PCTP: variants seen among roughly 807,000 people sequenced by gnomAD.
PCTP encodes the protein phosphatidylcholine transfer protein, also known as START domain-containing protein 2.
In PCTP, 27 loss-of-function variants were observed where a neutral mutation model predicts 31.0. The ratio of observed to expected loss-of-function variants is 0.87; its 90% CI spans 0.64 to 1.20. The LOEUF (loss-of-function observed/expected upper bound fraction) is 1.20, where lower values mean the gene tolerates loss of function less well. PCTP is among the 50% of genes most tolerant of loss of function. The pLI is 0.00. For synonymous variants in PCTP, 108 were observed against 101.2 expected, an observed-to-expected ratio of 1.07 and a Z score of -0.40; for missense variants, 287 against 268.2, an observed-to-expected ratio of 1.07 and a Z score of -0.49.
intron 3 of PCTP, among the ~76,000 whole-genome samples, chr17:55,792,537 A>G (rs957953423): frequency 6.6e-6 from 1 of 152,082 alleles, no homozygotes; most frequent in Non-Finnish European, 1.5e-5. Context: ...GTGCGGCCAG[A>G]AAAAAGAACT....
exon 3 of PCTP, chr17:55,787,569 G>A (rs1248115916): frequency 6.6e-6 from 1 of 151,946 alleles, no homozygotes; most frequent in African/African-American, 2.4e-5. Flanking sequence ...TTTCCAGGCT[G>A]GCCTTGAGCT....
intron 3 of PCTP, among the ~76,000 whole-genome samples, chr17:55,814,485 G>A (rs183228004): frequency 2.3e-4 from 35 of 152,358 alleles, no homozygotes; most frequent in African/African-American, 7.7e-4. Flanking sequence ...GGCTGTGCCA[G>A]CAGCTGTGCC....
rs1259764984 is a variant in PCTP at position 55,751,165 on chromosome 17, A to G, written c.62A>G (p.Gln21Arg). The G allele has an allele frequency of 1.3e-6, 2 of 1,548,540 alleles. No individual in the cohort carries two copies. Among genetic ancestry groups the G allele is most frequent in the East Asian group, 2.4e-5 (1 of 40,874 alleles). Residue 21 changes from glutamine (Q) to arginine (R), a missense_variant, in exon 1 of 6, where the codon CAG (glutamine) becomes CGG (arginine). By Grantham distance (43) the Gln-to-Arg change is conservative. Coordinates refer to ENST00000268896, the MANE Select transcript of PCTP (RefSeq NM_021213.4). ...TTCTGGGAGGCCTGCGCCGAGCTCC[A>G]GCAGCCCGCTCTGGCCGGGGCCGAC... ...EQFWEACAELQQPALAGADWQ... is the reference protein window; with the variant it reads ...EQFWEACAELRQPALAGADWQ...
At chr17:55,773,240 A>G (rs947924853) in intron 3 of PCTP, among the ~76,000 whole-genome samples, 1 of 152,214 alleles carries the variant, frequency 6.6e-6, no homozygotes, top group Non-Finnish European at 1.5e-5. Context: ...GCATTGGGTG[A>G]GGCCAGAACA....
chr17:55,766,007 C>A (rs1477019969), intron 1 of PCTP, among the ~76,000 whole-genome samples: 3 of 152,182 alleles, frequency 2.0e-5, no homozygotes, highest in African/African-American at 7.2e-5. Flanking sequence ...TCATAGAGGC[C>A]TTTCCTGATC....
chr17:55,850,997 T>G, the PCTP span, among the ~76,000 whole-genome samples: 1 of 152,184 alleles, frequency 6.6e-6, no homozygotes, highest in Admixed American at 6.5e-5. Context: ...TTAGATAAAT[T>G]ATTTTAAAAG....
intron 3 of PCTP, among the ~76,000 whole-genome samples, chr17:55,790,069 T>C (rs1217122298): frequency 6.6e-6 from 1 of 152,150 alleles, no homozygotes; most frequent in Non-Finnish European, 1.5e-5. Flanking sequence ...ATTATCTCAA[T>C]AGATGCAGAA....
At chr17:55,761,104 G>T (rs1425945060) in intron 1 of PCTP, among the ~76,000 whole-genome samples, 4 of 152,156 alleles carry the variant, frequency 2.6e-5, no homozygotes, top group African/African-American at 7.2e-5. Flanking sequence ...TGTCTGTCCT[G>T]TTACTAGCTG....
intron 5 of PCTP, 94 bp downstream of exon 5, chr17:55,774,953 C>T: frequency 7.4e-7 from 1 of 1,348,834 alleles, no homozygotes; most frequent in Non-Finnish European, 1.1e-6. Flanking sequence ...TGAAGAGACA[C>T]ATTGTCTCAG....
chr17:55,843,992 T>C (rs1906067244), downstream of PCTP, among the ~76,000 whole-genome samples: 1 of 152,150 alleles, frequency 6.6e-6, no homozygotes, highest in Non-Finnish European at 1.5e-5. Flanking sequence ...GGTCAGCAGT[T>C]TACCATGAGA....
chr17:55,851,767 A>G, the PCTP span, among the ~76,000 whole-genome samples: 1 of 152,080 alleles, frequency 6.6e-6, no homozygotes, highest in Non-Finnish European at 1.5e-5. Context: ...ATGAAATGAT[A>G]TAACAAACCC....
At chr17:55,797,785 T>C (rs1912233065) in intron 3 of PCTP, among the ~76,000 whole-genome samples, 1 of 151,974 alleles carries the variant, frequency 6.6e-6, no homozygotes, top group Non-Finnish European at 1.5e-5. Flanking sequence ...GAAAATGTTA[T>C]CCAGAAACTC....
downstream of PCTP, among the ~76,000 whole-genome samples, chr17:55,780,285 G>C (rs1278252272): frequency 6.6e-6 from 1 of 152,040 alleles, no homozygotes; most frequent in Non-Finnish European, 1.5e-5. Context: ...TATAATAATG[G>C]AACAACAATT....
chr17:55,765,170 G>A (rs1910570758), intron 1 of PCTP, among the ~76,000 whole-genome samples: 2 of 152,210 alleles, frequency 1.3e-5, no homozygotes, highest in Admixed American at 1.3e-4. Context: ...AAAAGAAGCA[G>A]TTGTTGAAAA....
At chr17:55,767,122 T>C (rs1391429696) in intron 1 of PCTP, among the ~76,000 whole-genome samples, 1 of 152,200 alleles carries the variant, frequency 6.6e-6, no homozygotes, top group Non-Finnish European at 1.5e-5. Context: ...TGTTTTTTTC[T>C]TGTAAATTTG....
chr17:55,794,127 T>G (rs902933366), intron 3 of PCTP, among the ~76,000 whole-genome samples: 1 of 152,102 alleles, frequency 6.6e-6, no homozygotes, highest in Non-Finnish European at 1.5e-5. Flanking sequence ...ACCTCCTTTT[T>G]TGCATCATAA....
At position 55,776,688 on chromosome 17, in the gene PCTP, G is replaced by C; in HGVS notation, c.*588G>C. On this transcript the variant is annotated 3_prime_UTR_variant, in exon 6 of 6. Transcript: ENST00000268896. ...GGGATTTGAGGTGATAATCCAGTAAGTCTTTCCTCGTTCCTACTTGTGGAG... is the reference window on the plus strand; with the variant it reads ...GGGATTTGAGGTGATAATCCAGTAACTCTTTCCTCGTTCCTACTTGTGGAG... 1 of 1,219,672 alleles carries C rather than the reference G, an allele frequency of 8.2e-7. No homozygotes were observed. The allele number at this position is 1,219,672 out of a possible 1,614,324, so 75.6% of individuals were successfully genotyped here. A position where few individuals can be genotyped will look rare whatever the true frequency, so the allele number is the denominator to read the frequency against.
At chr17:55,802,493 C>T (rs1014338400) in intron 3 of PCTP, among the ~76,000 whole-genome samples, 1 of 152,134 alleles carries the variant, frequency 6.6e-6, no homozygotes, top group African/African-American at 2.4e-5. Flanking sequence ...CAAACCAAAT[C>T]CAGCAGCACA....
chr17:55,824,389 C>T (rs959092740), downstream of PCTP, among the ~76,000 whole-genome samples: 36 of 152,294 alleles, frequency 2.4e-4, no homozygotes, highest in Non-Finnish European at 4.3e-4. Context: ...GTAGGCATGA[C>T]CTGACCTCCT....
Sources: gnomAD v4.1 joint callset for allele counts (sites outside exome capture counted in the v4.1 genomes callset) on GRCh38, gnomAD v4.1.1 for gene constraint, MANE v1.5 for transcripts, NCBI Gene and HGNC (gene_info 2026-07-23, HGNC 2026-07-21) for gene names.